CPS1: variants seen among roughly 807,000 people sequenced by gnomAD.
CPS1 encodes the protein carbamoyl-phosphate synthase [ammonia], mitochondrial.
Under a neutral mutation model 174.6 loss-of-function variants are expected in CPS1, and 109 were observed. That is an observed-to-expected ratio of 0.62 (90% confidence interval 0.53 to 0.73). CPS1 has a LOEUF of 0.73. Among genes scored for constraint, CPS1 ranks in the 30% least tolerant of loss-of-function variants. The pLI, the probability that CPS1 is intolerant of heterozygous loss-of-function variation, is 0.00. For synonymous variants in CPS1, 637 were observed against 632.0 expected (o/e 1.01, Z -0.12); for missense variants, 1,689 against 1,821.9 (o/e 0.93, Z 1.33).
At chr2:210,676,011 G>T (rs1333148328) in intron 36 of CPS1, among the ~76,000 whole-genome samples, 171 bp downstream of exon 36, 2 of 152,158 alleles carry the variant, frequency 1.3e-5, no homozygotes, top group African/African-American at 4.8e-5. Context: ...AATACATAAC[G>T]TCATGTGTAC....
chr2:210,481,014 G>A (rs925630910), intron 1 of CPS1, among the ~76,000 whole-genome samples: 1 of 152,190 alleles, frequency 6.6e-6, no homozygotes, highest in African/African-American at 2.4e-5. Flanking sequence ...ATTTCTTATG[G>A]CACTGGCAGC....
intron 7 of CPS1, among the ~76,000 whole-genome samples, chr2:210,589,872 C>A (rs1210472360): frequency 6.6e-6 from 1 of 151,720 alleles, no homozygotes; most frequent in African/African-American, 2.4e-5. Flanking sequence ...CTAGTCTTGA[C>A]TTCCTGGGCT....
chr2:210,554,239 G>A (rs1312167323), upstream of CPS1, among the ~76,000 whole-genome samples: 20 of 142,878 alleles, frequency 1.4e-4, no homozygotes, highest in African/African-American at 4.7e-4. Flanking sequence ...ATATATGTAT[G>A]TATATATATA....
At chr2:210,660,343 T>C in intron 31 of CPS1, 142 bp from the exon 32 acceptor site, 1 of 811,710 alleles carries the variant, frequency 1.2e-6, no homozygotes, top group Non-Finnish European at 2.1e-6. Context: ...ATCCAAGCAG[T>C]AAGGAGAAAA....
intron 21 of CPS1, among the ~76,000 whole-genome samples, chr2:210,632,407 T>A (rs1198633191): frequency 6.6e-6 from 1 of 152,356 alleles, no homozygotes; most frequent in Admixed American, 6.5e-5. Context: ...GAATTGTGTC[T>A]TTGAACTGTC....
At chr2:210,629,951 T>C (rs1365083681) in intron 21 of CPS1, among the ~76,000 whole-genome samples, 2 of 151,752 alleles carry the variant, frequency 1.3e-5, no homozygotes, top group African/African-American at 4.8e-5. Flanking sequence ...CAGGCGCCTG[T>C]AGTCCCAGCT....
At chr2:210,594,706 T>C (rs1180353020) in intron 12 of CPS1, 100 bp downstream of exon 12, 4 of 807,040 alleles carry the variant, frequency 5.0e-6, no homozygotes, top group Non-Finnish European at 8.6e-6. Context: ...TAGTGTTTAA[T>C]AAAAGATGAC....
chr2:210,622,594 C>T (rs969663523), intron 21 of CPS1, among the ~76,000 whole-genome samples: 6 of 151,706 alleles, frequency 4.0e-5, no homozygotes, highest in Admixed American at 6.6e-5. Flanking sequence ...AATAAACAAG[C>T]ACAGGTACAA....
chr2:210,501,658 T>C (rs1574471434), intron 1 of CPS1, among the ~76,000 whole-genome samples: 2 of 152,306 alleles, frequency 1.3e-5, no homozygotes, highest in Admixed American at 1.3e-4. Context: ...TCCTCATCTC[T>C]ATCTGAGACC....
chr2:210,503,687 A>C (rs1695206069), intron 1 of CPS1, among the ~76,000 whole-genome samples: 1 of 152,242 alleles, frequency 6.6e-6, no homozygotes, highest in South Asian at 2.1e-4. Context: ...TATTCTTAGA[A>C]GGGTGAACAC....
At position 210,573,357 on chromosome 2, in the gene CPS1, C is replaced by T. The variant is rs529836556; in HGVS notation, c.186C>T (p.Gly62=). 4.9e-5 allele frequency: 79 copies of T among 1,613,194 alleles called. 1 individual carries two copies. In the East Asian group the frequency reaches 1.6e-3, roughly 33 times the overall value. ...DGTKMKGYSF[G]HPSSVAGEVV... Reference sequence around the variant, plus strand: ...CTAAGATGAAAGGTTACTCCTTTGGCCATCCATCCTCTGTTGCTGGTGAAG... The same window carrying T: ...CTAAGATGAAAGGTTACTCCTTTGGTCATCCATCCTCTGTTGCTGGTGAAG... The change falls in exon 2 of 38, where the codon GGC becomes GGT. Residue 62 remains glycine, a synonymous_variant. Coordinates refer to ENST00000233072, the MANE Select transcript of CPS1 (RefSeq NM_001875.5).
rs11299389 is a variant in CPS1, at chr2:210,479,329, C to CT, written c.3+1581dup. Reference sequence around the variant, plus strand: ...ACTTCATTGAACCTTATCATTCTTTCTTTTTTTTTTTTTTTTTTGAGACGG... The same window carrying CT: ...ACTTCATTGAACCTTATCATTCTTTCTTTTTTTTTTTTTTTTTTTGAGACGG... On this transcript the variant is annotated intron_variant, in intron 1 of 38. Coordinates refer to the CPS1 transcript ENST00000430249. 3.4e-3 allele frequency among the ~76,000 whole-genome samples: 419 copies of CT among 122,384 alleles called. 2 individuals carry two copies. Among genetic ancestry groups the CT allele is most frequent in the South Asian group, 9.7e-3 (34 of 3,514 alleles). The allele number at this position is 122,384 out of a possible 152,430, so 80.3% of individuals were successfully genotyped here. A position where few individuals can be genotyped will look rare whatever the true frequency, so the allele number is the denominator to read the frequency against.
At chr2:210,648,398 C>A (rs1021850289) in intron 26 of CPS1, 75 bp from the exon 27 acceptor site, 13 of 1,265,706 alleles carry the variant, frequency 1.0e-5, no homozygotes, top group Non-Finnish European at 1.5e-5. Context: ...ACCACTCGAG[C>A]TAATGATACA....
At chr2:210,555,774 G>A (rs1322794368), upstream of CPS1, 14 of 417,336 alleles carry the variant, frequency 3.4e-5, no homozygotes, top group Non-Finnish European at 2.0e-5. Flanking sequence ...CAGCCAGTGA[G>A]GCCCCTTGAG....
At chr2:210,494,583 C>G (rs1010164653) in intron 1 of CPS1, among the ~76,000 whole-genome samples, 4 of 152,170 alleles carry the variant, frequency 2.6e-5, no homozygotes, top group African/African-American at 7.2e-5. Context: ...AAACACCTAT[C>G]CTGTGTGAGC....
intron 21 of CPS1, among the ~76,000 whole-genome samples, chr2:210,620,123 T>C (rs1699459931): frequency 6.6e-6 from 1 of 152,086 alleles, no homozygotes; most frequent in Non-Finnish European, 1.5e-5. Context: ...TAGTTTATGT[T>C]TGAAATGTAA....
At chr2:210,652,422 G>A (rs1017205861) in intron 28 of CPS1, among the ~76,000 whole-genome samples, 5 of 152,108 alleles carry the variant, frequency 3.3e-5, no homozygotes, top group African/African-American at 1.2e-4. Flanking sequence ...TATAGCTCAG[G>A]GTAGAGATGA....
rs1481516676 is a variant in CPS1 at position 210,665,035 on chromosome 2, G to T, written c.4002+1838G>T. Among the ~76,000 whole-genome samples, 3 of 152,158 alleles carry T rather than the reference G, an allele frequency of 2.0e-5. No individual in the cohort carries two copies. The East Asian group carries it at 5.8e-4, about 29-fold the overall frequency. On this transcript the variant is annotated intron_variant, in intron 33 of 37. Coordinates refer to ENST00000233072, the MANE Select transcript of CPS1 (RefSeq NM_001875.5). ...AATGGCACATTTAACTACTTTCTAT[G>T]GTTCTGTAGAAAATTTTTAAAACCT...
At position 210,576,562 on chromosome 2, in the gene CPS1, G is replaced by A; in HGVS notation, c.381+72G>A. On this transcript the variant is annotated intron_variant, in intron 3 of 37. Coordinates refer to ENST00000233072, the MANE Select transcript of CPS1 (RefSeq NM_001875.5). ...TAGTTGACTTATTCTTAAGAATTAG[G>A]ATGGCCAAACTTTCTTCCTCAATAC... 4 of 1,563,206 alleles carry A rather than the reference G, an allele frequency of 2.6e-6. No individual in the cohort carries two copies. The Admixed American group carries it at 6.7e-5, about 26-fold the overall frequency.
Sources: gnomAD v4.1 joint callset for allele counts (sites outside exome capture counted in the v4.1 genomes callset) on GRCh38, gnomAD v4.1.1 for gene constraint, MANE v1.5 for transcripts, NCBI Gene and HGNC (gene_info 2026-07-23, HGNC 2026-07-21) for gene names.